The following ORC2 variants were observed in gnomAD, a reference collection of about 807,000 sequenced individuals.
The protein encoded by ORC2 is origin recognition complex protein 2 homolog.
ORC2 carries 37 observed loss-of-function variants against 77.7 expected under a neutral mutation model. That is an observed-to-expected ratio of 0.48 (90% CI 0.37 to 0.63). The LOEUF is 0.63. Ranked by LOEUF, ORC2 falls within the 20% of genes least tolerant of loss-of-function variation. The pLI, the probability that ORC2 is intolerant of heterozygous loss-of-function variation, is 0.00. For missense variants in ORC2, 557 were observed against 661.9 expected (o/e 0.84, Z 1.74); for synonymous variants, 201 against 229.5 (o/e 0.88, Z 1.12).
At chr2:200,953,231 A>G (rs1180521933) in intron 4 of ORC2, among the ~76,000 whole-genome samples, 1 of 152,160 alleles carries the variant, frequency 6.6e-6, no homozygotes, top group Non-Finnish European at 1.5e-5. Context: ...TACACTAATA[A>G]AAAGTTACAA....
At chr2:200,932,773 C>G (rs939436830) in intron 10 of ORC2, among the ~76,000 whole-genome samples, 2 of 152,186 alleles carry the variant, frequency 1.3e-5, no homozygotes, top group South Asian at 4.1e-4. Flanking sequence ...CCCACTTTTC[C>G]TCTTATGCCT....
chr2:200,948,522 AAAC>A (rs1395277574), intron 5 of ORC2, among the ~76,000 whole-genome samples: 4 of 152,264 alleles, frequency 2.6e-5, no homozygotes, highest in Admixed American at 1.3e-4. Context: ...TCTGTAATAT[AAAC>A]AACATTTTTC....
At chr2:200,956,972 T>C (rs560149300) in intron 4 of ORC2, among the ~76,000 whole-genome samples, 1 of 151,844 alleles carries the variant, frequency 6.6e-6, no homozygotes, top group Admixed American at 6.6e-5. Flanking sequence ...TGAGAACACA[T>C]GGACACAGGG....
chr2:200,949,407 T>C (rs1264386973), intron 5 of ORC2, 147 bp downstream of exon 5: 15 of 586,140 alleles, frequency 2.6e-5, no homozygotes, highest in Non-Finnish European at 4.0e-5. Context: ...ATCCTTCTTT[T>C]AGGGAACGTC....
chr2:200,957,645 A>G, intron 3 of ORC2, 101 bp from the exon 4 acceptor site: 1 of 903,118 alleles, frequency 1.1e-6, no homozygotes, highest in African/African-American at 1.7e-5. Context: ...CATTACTTAA[A>G]AGCTGGGAAA....
chr2:200,946,058 T>C (rs901539232), intron 5 of ORC2, among the ~76,000 whole-genome samples: 8 of 152,228 alleles, frequency 5.3e-5, no homozygotes, highest in African/African-American at 1.9e-4. Flanking sequence ...TTACTCTAGA[T>C]ACATTCTCTG....
intron 14 of ORC2, 64 bp from the exon 15 acceptor site, chr2:200,920,457 C>A: frequency 1.6e-6 from 2 of 1,274,020 alleles, no homozygotes; most frequent in Non-Finnish European, 2.1e-6. Context: ...TTACTAGATT[C>A]CACTTTACAA....
intron 7 of ORC2, among the ~76,000 whole-genome samples, chr2:200,939,636 G>C (rs2041111517): frequency 6.6e-6 from 1 of 152,116 alleles, no homozygotes; most frequent in South Asian, 2.1e-4. Flanking sequence ...TGAAAAACCT[G>C]CTTTAAGCCA....
At chr2:200,934,758 C>T (rs1203603488) in intron 9 of ORC2, among the ~76,000 whole-genome samples, 1 of 152,108 alleles carries the variant, frequency 6.6e-6, no homozygotes, top group Non-Finnish European at 1.5e-5. Context: ...CCTACTATTC[C>T]AGTCAAGCGG....
chr2:200,947,984 C>T (rs1260748963), intron 5 of ORC2, among the ~76,000 whole-genome samples: 1 of 152,052 alleles, frequency 6.6e-6, no homozygotes, highest in East Asian at 1.9e-4. Flanking sequence ...TCTCGGCTCA[C>T]TGCAAGCTCC....
chr2:200,931,975 C>T (rs2040948935), intron 10 of ORC2, among the ~76,000 whole-genome samples: 1 of 152,144 alleles, frequency 6.6e-6, no homozygotes, highest in African/African-American at 2.4e-5. Flanking sequence ...AAAACTCTAG[C>T]AAAAAGCTAC....
At chr2:200,925,142 A>G (rs529390250) in intron 13 of ORC2, among the ~76,000 whole-genome samples, 3 of 152,274 alleles carry the variant, frequency 2.0e-5, no homozygotes, top group Admixed American at 2.0e-4. Flanking sequence ...CACTTTACAC[A>G]AGCAAAACAA....
intron 4 of ORC2, among the ~76,000 whole-genome samples, chr2:200,952,625 CT>C (rs2041383224): frequency 6.6e-6 from 1 of 151,888 alleles, no homozygotes; most frequent in Non-Finnish European, 1.5e-5. Flanking sequence ...AAGTTATTAA[CT>C]AAAACAACTG....
intron 15 of ORC2, among the ~76,000 whole-genome samples, chr2:200,916,928 T>C (rs1379171286): frequency 6.6e-6 from 1 of 151,016 alleles, no homozygotes; most frequent in Non-Finnish European, 1.5e-5. Flanking sequence ...TCTCCTGACC[T>C]CGTGATCTGC....
intron 11 of ORC2, among the ~76,000 whole-genome samples, chr2:200,928,629 C>T (rs1322489039): frequency 2.0e-5 from 3 of 151,508 alleles, no homozygotes; most frequent in South Asian, 2.1e-4. Flanking sequence ...TTGGCTAACA[C>T]GGTGAAATCC....
intron 2 of ORC2, 53 bp from the exon 3 acceptor site, chr2:200,958,186 C>A (rs1044090180): frequency 1.0e-6 from 1 of 973,426 alleles, no homozygotes; most frequent in African/African-American, 1.6e-5. Flanking sequence ...ATATCAACCA[C>A]CAAATTAAAC....
In ORC2 at chr2:200,962,477, A is replaced by G. The variant is rs1037354792; in HGVS notation, c.-60+1013T>C. ...TAATATTGGAGAAACCTGAGTTCCA[A>G]TCTCCACTCCATACTTTATAACTGT... On this transcript the variant is annotated intron_variant, in intron 1 of 17. Transcript: ENST00000234296. Among the ~76,000 whole-genome samples the G allele has an allele frequency of 3.3e-5, 5 of 152,332 alleles. No homozygotes were observed. The East Asian group carries it at 9.6e-4, about 29-fold the overall frequency.
At chr2:200,949,730 C>T (rs1169064425) in intron 4 of ORC2, 87 bp from the exon 5 acceptor site, 4 of 644,750 alleles carry the variant, frequency 6.2e-6, no homozygotes, top group Non-Finnish European at 1.1e-5. Context: ...AAGATTTGTA[C>T]CCCTCATAGC....
At position 200,911,257 on chromosome 2, in the gene ORC2, G is replaced by T. The variant is rs1294177240; in HGVS notation, c.*44C>A. The stretch of plus-strand genomic sequence containing the variant: ...ACTTTCAACTAGAGGAGTGGCAGCT[G>T]GGGTACAACCCTTCCATGGGAGATT... On this transcript the variant is annotated 3_prime_UTR_variant, in exon 18 of 18. Transcript: ENST00000234296. The T allele has an allele frequency of 1.8e-6, 2 of 1,109,000 alleles. No individual in the cohort carries two copies. Among genetic ancestry groups the T allele is most frequent in the Non-Finnish European group, 2.8e-6 (2 of 725,338 alleles). 68.7% of individuals were successfully genotyped at this position (1,109,000 alleles called of 1,614,324 possible). A position where few individuals can be genotyped will look rare whatever the true frequency, so the allele number is the denominator to read the frequency against.
Sources: allele counts gnomAD v4.1 joint callset (sites outside exome capture counted in the v4.1 genomes callset), GRCh38; gene constraint gnomAD v4.1.1; transcripts MANE v1.5; gene names NCBI Gene and HGNC (gene_info 2026-07-23, HGNC 2026-07-21).